Variants in SNX24 observed in about 807,000 individuals in gnomAD.
SNX24 encodes the protein sorting nexin 24, also known as sorting nexin-24.
A neutral mutation model predicts 28.7 loss-of-function variants in SNX24; 22 were observed. The ratio of observed to expected loss-of-function variants is 0.77; its 90% CI spans 0.55 to 1.10. SNX24 has a LOEUF of 1.10. Ranked by LOEUF, SNX24 falls within the 50% of genes least tolerant of loss-of-function variation. SNX24 has a pLI of 0.00. For synonymous variants in SNX24, 69 were observed against 71.5 expected (o/e 0.96, Z 0.18); for missense variants, 221 against 201.1 (o/e 1.10, Z -0.60).
chr5:122,893,045 C>A (rs1301907006), intron 1 of SNX24, among the ~76,000 whole-genome samples: 1 of 152,068 alleles, frequency 6.6e-6, no homozygotes, highest in African/African-American at 2.4e-5. Flanking sequence ...GGATTACAGG[C>A]ATGAGCCGCT....
intron 1 of SNX24, among the ~76,000 whole-genome samples, chr5:122,924,366 T>C (rs1758578800): frequency 6.6e-6 from 1 of 152,170 alleles, no homozygotes; most frequent in African/African-American, 2.4e-5. Context: ...CAACAGTCGA[T>C]CTGATAACTG....
intron 1 of SNX24, among the ~76,000 whole-genome samples, chr5:122,862,162 G>A (rs987451149): frequency 5.9e-5 from 9 of 152,250 alleles, no homozygotes; most frequent in South Asian, 2.1e-4. Flanking sequence ...GGAGGGACAC[G>A]TACTGGGGTT....
intron 1 of SNX24, among the ~76,000 whole-genome samples, chr5:122,861,881 A>T (rs548220424): frequency 7.9e-5 from 12 of 152,216 alleles, no homozygotes; most frequent in African/African-American, 2.9e-4. Flanking sequence ...CTCTCTTTAC[A>T]CCCTCACCCT....
intron 1 of SNX24, among the ~76,000 whole-genome samples, chr5:122,865,512 G>A (rs1287590753): frequency 6.6e-6 from 1 of 152,076 alleles, no homozygotes; most frequent in Non-Finnish European, 1.5e-5. Context: ...TGTATTTTTA[G>A]TAGAGTAGTA....
chr5:122,925,542 A>G (rs987486314), intron 1 of SNX24, among the ~76,000 whole-genome samples: 1 of 151,888 alleles, frequency 6.6e-6, no homozygotes, highest in Non-Finnish European at 1.5e-5. Flanking sequence ...GGGATTAGAG[A>G]TGTGAGCCAC....
At chr5:122,896,739 G>C (rs925694662) in intron 1 of SNX24, among the ~76,000 whole-genome samples, 1 of 152,310 alleles carries the variant, frequency 6.6e-6, no homozygotes, top group African/African-American at 2.4e-5. Context: ...TTGTTTCTGT[G>C]ATAGACCACA....
intron 1 of SNX24, chr5:122,891,145 A>T: frequency 6.9e-7 from 1 of 1,451,124 alleles, no homozygotes; most frequent in Non-Finnish European, 9.1e-7. Flanking sequence ...ACTGTAGAAA[A>T]CTTTACCTAG....
At chr5:122,972,003 A>G (rs148657195) in intron 3 of SNX24, among the ~76,000 whole-genome samples, 1 of 152,346 alleles carries the variant, frequency 6.6e-6, no homozygotes, top group Admixed American at 6.5e-5. Context: ...GGTAATATTA[A>G]GAACCATCCA....
At chr5:122,926,942 TGTGGTCATTGTTACTCTC>T (rs1758724917) in intron 1 of SNX24, among the ~76,000 whole-genome samples, 1 of 152,194 alleles carries the variant, frequency 6.6e-6, no homozygotes, top group African/African-American at 2.4e-5. Flanking sequence ...GATGTATGAA[TGTGGTCATTGTTACTCTC>T]GTGATCATTT....
At chr5:122,872,554 A>G (rs548577943) in intron 1 of SNX24, among the ~76,000 whole-genome samples, 6 of 152,296 alleles carry the variant, frequency 3.9e-5, no homozygotes, top group African/African-American at 1.4e-4. Context: ...GGTCCCTGAT[A>G]TAAAATGGCC....
intron 1 of SNX24, among the ~76,000 whole-genome samples, chr5:122,916,511 T>G (rs1343642961): frequency 6.6e-6 from 1 of 151,972 alleles, no homozygotes; most frequent in Non-Finnish European, 1.5e-5. Context: ...GTGCTTTTTT[T>G]ATCTTAGATG....
chr5:122,973,162 C>T (rs968009947), intron 3 of SNX24, among the ~76,000 whole-genome samples: 14 of 152,158 alleles, frequency 9.2e-5, no homozygotes, highest in African/African-American at 3.4e-4. Flanking sequence ...CAGAGGGGTC[C>T]ATCCACATAC....
chr5:122,953,145 C>G (rs1407410332), intron 3 of SNX24, among the ~76,000 whole-genome samples: 1 of 151,164 alleles, frequency 6.6e-6, no homozygotes, highest in East Asian at 1.9e-4. Context: ...TGCTCTGTCA[C>G]CCAGGCTGGA....
chr5:123,003,199 C>A (rs1292696983), intron 6 of SNX24, among the ~76,000 whole-genome samples: 1 of 152,154 alleles, frequency 6.6e-6, no homozygotes, highest in East Asian at 1.9e-4. Context: ...GAAGGGTGGC[C>A]AGGACGCAGC....
intron 1 of SNX24, among the ~76,000 whole-genome samples, chr5:122,912,737 T>G (rs1757946030): frequency 1.3e-5 from 2 of 151,404 alleles, no homozygotes; most frequent in Non-Finnish European, 3.0e-5. Flanking sequence ...CATGTGGGTT[T>G]TTTTTTTTTT....
intron 1 of SNX24, among the ~76,000 whole-genome samples, chr5:122,890,271 T>C (rs574415886): frequency 6.6e-6 from 1 of 152,296 alleles, no homozygotes; most frequent in East Asian, 1.9e-4. Context: ...TGGTTTTTTT[T>C]CCTTTTATAA....
At chr5:122,986,511 A>G (rs995044416) in intron 3 of SNX24, among the ~76,000 whole-genome samples, 1 of 152,126 alleles carries the variant, frequency 6.6e-6, no homozygotes. Flanking sequence ...GGTGGTTTTC[A>G]GGGTGAGTGG....
intron 5 of SNX24, chr5:123,023,786 C>A (rs1762801254): frequency 7.5e-6 from 10 of 1,337,286 alleles, no homozygotes; most frequent in East Asian, 2.6e-5. Context: ...AAAAAAAAAG[C>A]AAATAATTGA....
chr5:122,987,248 C>T (rs1404836789), intron 3 of SNX24, among the ~76,000 whole-genome samples: 2 of 152,070 alleles, frequency 1.3e-5, no homozygotes, highest in Non-Finnish European at 2.9e-5. Flanking sequence ...CAATAGTTTT[C>T]GAGTGTGGTT....
Sources: allele counts gnomAD v4.1 joint callset (sites outside exome capture counted in the v4.1 genomes callset), GRCh38; gene constraint gnomAD v4.1.1; transcripts MANE v1.5; gene names NCBI Gene and HGNC (gene_info 2026-07-23, HGNC 2026-07-21).